HCN1: variants seen among roughly 807,000 people sequenced by gnomAD.
The protein encoded by HCN1 is potassium/sodium hyperpolarization-activated cyclic nucleotide-gated channel 1.
A neutral mutation model predicts 78.9 loss-of-function variants in HCN1; 13 were observed. The ratio of observed to expected loss-of-function variants is 0.16; its 90% CI spans 0.11 to 0.26. The LOEUF is 0.26. Ranked by LOEUF, HCN1 falls within the 10% of genes least tolerant of loss-of-function variation. HCN1 has a pLI of 1.00. For missense variants in HCN1, 810 were observed against 1,154.3 expected (o/e 0.70, Z 4.32); for synonymous variants, 552 against 455.5 (o/e 1.21, Z -2.70).
intron 5 of HCN1, among the ~76,000 whole-genome samples, chr5:45,310,872 A>T (rs1473440472): frequency 6.6e-6 from 1 of 152,150 alleles, no homozygotes; most frequent in Non-Finnish European, 1.5e-5. Context: ...AGGGACATGG[A>T]TGGAACTGGA....
chr5:45,332,729 G>C (rs982902146), intron 5 of HCN1, among the ~76,000 whole-genome samples: 7 of 151,606 alleles, frequency 4.6e-5, no homozygotes, highest in Non-Finnish European at 1.0e-4. Flanking sequence ...AAAAAAGTGA[G>C]AATATGTGAG....
At chr5:45,265,132 G>A (rs1401716481) in intron 7 of HCN1, among the ~76,000 whole-genome samples, 1 of 151,104 alleles carries the variant, frequency 6.6e-6, no homozygotes, top group African/African-American at 2.4e-5. Context: ...GGAGGCTGCA[G>A]TGAGCCGAGA....
At chr5:45,298,341 C>A (rs549521400) in intron 6 of HCN1, among the ~76,000 whole-genome samples, 11 of 152,148 alleles carry the variant, frequency 7.2e-5, no homozygotes, top group Non-Finnish European at 2.9e-5. Flanking sequence ...CACCTCAGGG[C>A]TTTCCAGATC....
intron 2 of HCN1, among the ~76,000 whole-genome samples, chr5:45,493,087 A>G (rs913504158): frequency 6.6e-6 from 1 of 152,142 alleles, no homozygotes; most frequent in East Asian, 1.9e-4. Flanking sequence ...TTCTTGTAAA[A>G]TATTTTACTA....
chr5:45,581,130 T>C (rs1012736105), intron 2 of HCN1, among the ~76,000 whole-genome samples: 3 of 152,326 alleles, frequency 2.0e-5, no homozygotes, highest in Admixed American at 1.3e-4. Context: ...TCCACAATGG[T>C]TGAACTAGTT....
At position 45,372,146 on chromosome 5, in the gene HCN1, T is replaced by TATAA. The variant is rs1165411175; in HGVS notation, c.1231-18901_1231-18900insTTAT. Among the ~76,000 whole-genome samples the TATAA allele has an allele frequency of 7.6e-4, 41 of 54,030 alleles. 1 individual carries two copies. The highest frequency in any genetic ancestry group is 9.0e-4 in the Non-Finnish European group (33 of 36,548). The allele number at this position is 54,030 out of a possible 152,430, so 35.4% of individuals were successfully genotyped here. A position where few individuals can be genotyped will look rare whatever the true frequency, so the allele number is the denominator to read the frequency against. The stretch of plus-strand genomic sequence containing the variant: ...ATTATATATATAATATAATAATATA[T>TATAA]TATATAATATGTTATTATATATAAT... On this transcript the variant is annotated intron_variant, in intron 4 of 7. Transcript: ENST00000303230.
intron 2 of HCN1, among the ~76,000 whole-genome samples, chr5:45,626,528 C>T (rs1477585379): frequency 6.6e-6 from 1 of 152,030 alleles, no homozygotes; most frequent in East Asian, 1.9e-4. Flanking sequence ...AACAAAGACT[C>T]ATGATGTGAA....
chr5:45,593,311 CTCTCTCTCT>C (rs1744416927), intron 2 of HCN1, among the ~76,000 whole-genome samples: 4 of 63,340 alleles, frequency 6.3e-5, no homozygotes, highest in South Asian at 5.5e-4. Flanking sequence ...CTCTCTCTCT[CTCTCTCTCT>C]CCCTCTCTCT....
At chr5:45,459,143 C>T (rs1161113459) in intron 3 of HCN1, among the ~76,000 whole-genome samples, 2 of 151,980 alleles carry the variant, frequency 1.3e-5, no homozygotes, top group African/African-American at 4.8e-5. Context: ...ATGGCTCATG[C>T]CTGTAATCCC....
At chr5:45,472,923 C>A (rs2111655194) in intron 2 of HCN1, among the ~76,000 whole-genome samples, 1 of 151,938 alleles carries the variant, frequency 6.6e-6, no homozygotes, top group Non-Finnish European at 1.5e-5. Context: ...CTCTTAATTA[C>A]AAAAATTTCA....
At chr5:45,597,032 T>G (rs753001204) in intron 2 of HCN1, among the ~76,000 whole-genome samples, 1 of 152,030 alleles carries the variant, frequency 6.6e-6, no homozygotes, top group East Asian at 1.9e-4. Flanking sequence ...TTCCACTCAG[T>G]AGAAAAAGAG....
At chr5:45,605,379 T>C (rs541796046) in intron 2 of HCN1, among the ~76,000 whole-genome samples, 4 of 151,976 alleles carry the variant, frequency 2.6e-5, no homozygotes, top group African/African-American at 7.2e-5. Context: ...TTTTGTAGCA[T>C]TGTTTCTAAT....
intron 2 of HCN1, among the ~76,000 whole-genome samples, chr5:45,636,887 C>A (rs1745366112): frequency 6.6e-6 from 1 of 152,108 alleles, no homozygotes; most frequent in South Asian, 2.1e-4. Flanking sequence ...CTTTCAATAT[C>A]TGACAGGGCA....
At position 45,695,725 on chromosome 5, in the gene HCN1, C is replaced by T. The variant is rs956231769; in HGVS notation, c.369G>A (p.Glu123=). 4.3e-6 allele frequency: 7 copies of T among 1,612,516 alleles called. No individual in the cohort carries two copies. In the Admixed American group the frequency reaches 6.7e-5, roughly 15 times the overall value. Reference sequence around the variant, plus strand: ...AGCCTGCAGTTTTAACCCTTTCCTGCTCCTTTTCCACCGCCTTCTGGCTCC... The same window carrying T: ...AGCCTGCAGTTTTAACCCTTTCCTGTTCCTTTTCCACCGCCTTCTGGCTCC... The part of the protein sequence containing the change: ...MFGSQKAVEK[E]QERVKTAGFW... The change falls in exon 1 of 8, where the codon GAG becomes GAA. Residue 123 remains glutamate, a synonymous_variant. Transcript: ENST00000303230.
chr5:45,661,488 A>C (rs1267057699), intron 1 of HCN1, among the ~76,000 whole-genome samples: 2 of 114,754 alleles, frequency 1.7e-5, no homozygotes, highest in East Asian at 5.2e-4. Flanking sequence ...GACACAAAAA[A>C]CCCTTCAAAA....
At chr5:45,400,814 G>T (rs1296836131) in intron 3 of HCN1, among the ~76,000 whole-genome samples, 1 of 151,964 alleles carries the variant, frequency 6.6e-6, no homozygotes, top group East Asian at 1.9e-4. Flanking sequence ...ATCAGGTATG[G>T]ATCATTCTGT....
At chr5:45,397,477 T>A (rs537890366) in intron 3 of HCN1, among the ~76,000 whole-genome samples, 1 of 152,114 alleles carries the variant, frequency 6.6e-6, no homozygotes, top group African/African-American at 2.4e-5. Flanking sequence ...CTCAATTTTT[T>A]AAAAATGCTG....
chr5:45,522,001 G>A (rs1258209108), intron 2 of HCN1, among the ~76,000 whole-genome samples: 2 of 151,740 alleles, frequency 1.3e-5, no homozygotes, highest in Non-Finnish European at 2.9e-5. Flanking sequence ...AGTTTAAATC[G>A]TTCTTAAATT....
At chr5:45,299,018 A>G (rs1378733748) in intron 6 of HCN1, among the ~76,000 whole-genome samples, 6 of 152,056 alleles carry the variant, frequency 3.9e-5, no homozygotes, top group African/African-American at 1.4e-4. Flanking sequence ...ACAAATCCCA[A>G]TTGAGGGACG....
Sources: gnomAD v4.1 joint callset for allele counts (sites outside exome capture counted in the v4.1 genomes callset) on GRCh38, gnomAD v4.1.1 for gene constraint, MANE v1.5 for transcripts, NCBI Gene and HGNC (gene_info 2026-07-23, HGNC 2026-07-21) for gene names.